CEP112: variants seen among roughly 807,000 people sequenced by gnomAD.
CEP112 encodes centrosomal protein of 112 kDa.
In CEP112, 127 loss-of-function variants were observed where a neutral mutation model predicts 153.0. The observed-to-expected ratio is 0.83, with a 90% CI of 0.72 to 0.96. The LOEUF (loss-of-function observed/expected upper bound fraction) is 0.96. Among genes scored for constraint, CEP112 ranks in the 40% least tolerant of loss-of-function variants. The pLI is 0.00. For missense variants in CEP112, 1,089 were observed against 1,101.2 expected (o/e 0.99, Z 0.16); for synonymous variants, 358 against 374.4 (o/e 0.96, Z 0.51).
intron 4 of CEP112, among the ~76,000 whole-genome samples, chr17:66,174,324 A>G (rs2072376541): frequency 6.6e-6 from 1 of 152,196 alleles, no homozygotes; most frequent in East Asian, 1.9e-4. Context: ...TAACATTTCT[A>G]TATCTGTTTA....
chr17:66,150,744 G>C (rs769263427), intron 4 of CEP112, among the ~76,000 whole-genome samples: 4 of 152,108 alleles, frequency 2.6e-5, no homozygotes, highest in Non-Finnish European at 4.4e-5. Flanking sequence ...CATCCTTTTT[G>C]ACTTTTTGGT....
intron 24 of CEP112, among the ~76,000 whole-genome samples, chr17:65,644,072 G>C (rs576399318): frequency 1.3e-4 from 20 of 152,254 alleles, no homozygotes; most frequent in African/African-American, 4.6e-4. Context: ...CATTGAAGGT[G>C]ACTCCCTTGA....
chr17:65,770,179 C>G (rs2053254557), intron 21 of CEP112, among the ~76,000 whole-genome samples: 1 of 150,100 alleles, frequency 6.7e-6, no homozygotes, highest in South Asian at 2.1e-4. Flanking sequence ...GAGATAAATA[C>G]AGAGAAAACC....
chr17:65,842,214 G>A (rs2057545394), intron 21 of CEP112, among the ~76,000 whole-genome samples: 1 of 151,860 alleles, frequency 6.6e-6, no homozygotes, highest in Non-Finnish European at 1.5e-5. Context: ...GGACAAAGGA[G>A]GATTAATCTT....
At chr17:65,904,154 G>A (rs1007965710) in intron 19 of CEP112, among the ~76,000 whole-genome samples, 3 of 152,194 alleles carry the variant, frequency 2.0e-5, no homozygotes, top group African/African-American at 7.2e-5. Context: ...AAGAGAGAAA[G>A]TCAAATTGTC....
chr17:66,171,343 A>T (rs2072234160), intron 4 of CEP112, among the ~76,000 whole-genome samples: 2 of 152,214 alleles, frequency 1.3e-5, no homozygotes, highest in Non-Finnish European at 2.9e-5. Context: ...AGGTTTTTCA[A>T]AGGACAAGTT....
intron 23 of CEP112, among the ~76,000 whole-genome samples, chr17:65,729,473 T>A (rs2050372954): frequency 6.6e-6 from 1 of 152,134 alleles, no homozygotes; most frequent in Non-Finnish European, 1.5e-5. Flanking sequence ...CATATTAAAT[T>A]GATCATTCAG....
chr17:65,650,240 T>C (rs926362723), intron 24 of CEP112, among the ~76,000 whole-genome samples: 2 of 152,168 alleles, frequency 1.3e-5, no homozygotes, highest in African/African-American at 4.8e-5. Context: ...TGTGGTGATG[T>C]CAGGGAGGGT....
chr17:66,013,189 C>T (rs1269788149), intron 16 of CEP112, among the ~76,000 whole-genome samples: 3 of 152,146 alleles, frequency 2.0e-5, no homozygotes, highest in African/African-American at 4.8e-5. Context: ...CAATCATCTT[C>T]GTTCCTATTC....
rs9900867 is a variant in CEP112, at chr17:65,874,135, T to C, written c.2164-22101A>G. Among the ~76,000 whole-genome samples, 213 of 152,258 alleles carry C rather than the reference T, an allele frequency of 1.4e-3. 1 individual carries two copies. The highest frequency in any genetic ancestry group is 5.0e-3 in the African/African-American group (208 of 41,574). ...GTTATTTGAAATCTTTATAAATATG[T>C]AGGTATTGTCATTTCCATTGAAAAT... On this transcript the variant is annotated intron_variant, in intron 20 of 26. Coordinates refer to ENST00000535342, the MANE Select transcript of CEP112 (RefSeq NM_001199165.4).
At chr17:65,723,757 C>G (rs2050024299) in intron 23 of CEP112, among the ~76,000 whole-genome samples, 1 of 152,206 alleles carries the variant, frequency 6.6e-6, no homozygotes, top group Admixed American at 6.5e-5. Flanking sequence ...ATCAAAGGAA[C>G]AATCTCCCCT....
chr17:66,142,631 G>C (rs1315674437), intron 4 of CEP112, among the ~76,000 whole-genome samples: 1 of 152,002 alleles, frequency 6.6e-6, no homozygotes, highest in South Asian at 2.1e-4. Flanking sequence ...GTGTGTTCTT[G>C]GCACCTCTGT....
Position 66,035,643 on chromosome 17 carries a change from T to C in CEP112, c.1219-5620A>G, listed in dbSNP as rs553743577. ...CAGGATCTCAAAGAAATATTTGTAC[T>C]CCCATGCAAAAGTATTCACTATAGC... On this transcript the variant is annotated intron_variant, in intron 12 of 26. Coordinates refer to ENST00000535342, the MANE Select transcript of CEP112 (RefSeq NM_001199165.4). Among the ~76,000 whole-genome samples the C allele has an allele frequency of 2.0e-5, 3 of 152,266 alleles. No individual in the cohort carries two copies. In the South Asian group the frequency reaches 6.2e-4, roughly 32 times the overall value.
In CEP112 at chr17:65,637,188, C is replaced by A. The variant is rs1319988286; in HGVS notation, c.2800G>T (p.Val934Phe). 6.2e-7 allele frequency: 1 copy of A among 1,612,762 alleles called. No homozygotes were observed. The highest frequency in any genetic ancestry group is 1.7e-5 in the Admixed American group (1 of 60,014). ...GAAGCTCTCTTTTGCAGAAAATTAA[C>A]CTAGAAAAGACACCTTGTGTGAGAA... is the stretch of plus-strand genomic sequence containing the variant. ...EDTISSLKSQ[V>F]NFLQKRASIL... Residue 934 changes from valine to phenylalanine, a missense_variant and splice_region_variant, in exon 26 of 27, where the codon GTT (valine) becomes TTT (phenylalanine). By Grantham distance (50) the Val-to-Phe change is conservative. Coordinates refer to ENST00000535342, the MANE Select transcript of CEP112 (RefSeq NM_001199165.4).
intron 16 of CEP112, among the ~76,000 whole-genome samples, chr17:66,012,437 G>A (rs1018431165): frequency 1.3e-5 from 2 of 152,120 alleles, no homozygotes; most frequent in Non-Finnish European, 2.9e-5. Flanking sequence ...TAATGAAATC[G>A]CTTAGCATTT....
chr17:65,889,158 G>A (rs139718916), intron 20 of CEP112, among the ~76,000 whole-genome samples: 134 of 152,180 alleles, frequency 8.8e-4, no homozygotes, highest in African/African-American at 2.6e-3. Flanking sequence ...AAACAAGCCC[G>A]GTTTACTGCT....
rs539364767 is a variant in CEP112, at chr17:65,808,218, C to T, written c.2394+43586G>A. On this transcript the variant is annotated intron_variant, in intron 21 of 26. Coordinates refer to ENST00000535342, the MANE Select transcript of CEP112 (RefSeq NM_001199165.4). ...GGGTCCTCTAGCCCTTTTCTTTTTG[C>T]CAATTTCTCCCTTTTGGAATGGCAG... is the stretch of plus-strand genomic sequence containing the variant. Among the ~76,000 whole-genome samples the T allele has an allele frequency of 1.6e-4, 24 of 152,286 alleles. 1 individual carries two copies. The South Asian group carries it at 5.0e-3, about 32-fold the overall frequency.
In CEP112 at chr17:66,176,983, G is replaced by A. The variant is rs771138775; in HGVS notation, c.144C>T (p.Cys48=). The A allele has an allele frequency of 9.3e-6, 15 of 1,612,904 alleles. No homozygotes were observed. Among genetic ancestry groups the A allele is most frequent in the East Asian group, 2.2e-5 (1 of 44,828 alleles). The change falls in exon 3 of 27, where the codon TGC becomes TGT. Residue 48 remains cysteine, a synonymous_variant. Coordinates refer to ENST00000535342, the MANE Select transcript of CEP112 (RefSeq NM_001199165.4). ...QRCALWIRKL[C]EPSGTGAGIM... Reference sequence around the variant, plus strand: ...TTCCTGCACCTGTTCCTGAAGGTTCGCACAGCTTTCTAATCCAAAGAGCAC... The same window carrying A: ...TTCCTGCACCTGTTCCTGAAGGTTCACACAGCTTTCTAATCCAAAGAGCAC...
chr17:65,653,377 T>C, intron 24 of CEP112, among the ~76,000 whole-genome samples: 1 of 152,248 alleles, frequency 6.6e-6, no homozygotes, highest in South Asian at 2.1e-4. Flanking sequence ...TTGTGGATTA[T>C]TCAGAAACTG....
Sources: gnomAD v4.1 joint callset for allele counts (sites outside exome capture counted in the v4.1 genomes callset) on GRCh38, gnomAD v4.1.1 for gene constraint, MANE v1.5 for transcripts, NCBI Gene and HGNC (gene_info 2026-07-23, HGNC 2026-07-21) for gene names.